PTPRS: variants seen among roughly 807,000 people sequenced by gnomAD.
PTPRS encodes the protein protein tyrosine phosphatase receptor type S.
In PTPRS, 63 loss-of-function variants were observed where a neutral mutation model predicts 215.3. The ratio of observed to expected loss-of-function variants is 0.29; its 90% CI spans 0.24 to 0.36. The LOEUF (loss-of-function observed/expected upper bound fraction) is 0.36. PTPRS is among the 10% of genes least tolerant of loss of function. The probability of loss-of-function intolerance (pLI) is 1.00; values close to 1 mark genes in which losing one functional copy is unlikely to be tolerated. For synonymous variants in PTPRS, 1,404 were observed against 1,191.4 expected (o/e 1.18, Z -3.68); for missense variants, 2,258 against 2,825.8 (o/e 0.80, Z 4.56).
chr19:5,273,762 C>T (rs1010135499), intron 3 of PTPRS, among the ~76,000 whole-genome samples, 179 bp from the exon 4 acceptor site: 7 of 152,070 alleles, frequency 4.6e-5, no homozygotes, highest in Non-Finnish European at 5.9e-5. Context: ...ATAAATGCGC[C>T]GCAGACAGGG....
At chr19:5,278,920 G>A (rs920073706) in intron 2 of PTPRS, among the ~76,000 whole-genome samples, 40 of 151,998 alleles carry the variant, frequency 2.6e-4, no homozygotes, top group African/African-American at 8.2e-4. Context: ...GTTGGGCATG[G>A]TGGCTCATAC....
chr19:5,262,091 A>G (rs947884174), intron 6 of PTPRS, among the ~76,000 whole-genome samples: 5 of 152,132 alleles, frequency 3.3e-5, no homozygotes, highest in Non-Finnish European at 7.4e-5. Context: ...CCTGGCCAAC[A>G]TGGTGAAACC....
chr19:5,221,996 C>G (rs538520015), intron 19 of PTPRS, 127 bp downstream of exon 19: 2 of 741,558 alleles, frequency 2.7e-6, no homozygotes, highest in East Asian at 2.5e-5. Flanking sequence ...TCAATCCTAG[C>G]TGAGACCCAT....
intron 35 of PTPRS, among the ~76,000 whole-genome samples, chr19:5,209,445 A>T (rs1205128761): frequency 2.0e-5 from 3 of 151,936 alleles, no homozygotes; most frequent in Non-Finnish European, 4.4e-5. Flanking sequence ...GTGCCATCCA[A>T]AATTGTTATC....
chr19:5,323,319 C>CT (rs1490215973), intron 1 of PTPRS, among the ~76,000 whole-genome samples: 1 of 152,170 alleles, frequency 6.6e-6, no homozygotes, highest in South Asian at 2.1e-4. Flanking sequence ...GATCACACCA[C>CT]TGCACTCCCG....
At chr19:5,335,251 T>C (rs1426265260) in intron 1 of PTPRS, among the ~76,000 whole-genome samples, 1 of 152,190 alleles carries the variant, frequency 6.6e-6, no homozygotes, top group African/African-American at 2.4e-5. Flanking sequence ...TGCGGACGCG[T>C]TGAGAGCCAG....
chr19:5,213,729 G>A (rs1295289565), intron 30 of PTPRS, among the ~76,000 whole-genome samples: 2 of 152,198 alleles, frequency 1.3e-5, no homozygotes, highest in African/African-American at 2.4e-5. Flanking sequence ...TGGCACTTAG[G>A]TCAAGCAGGT....
Position 5,273,492 on chromosome 19 carries a change from TG to T in PTPRS, c.328del (p.Gln110ArgfsTer34). 2 of 1,614,208 alleles carry T rather than the reference TG, an allele frequency of 1.2e-6. No homozygotes were observed. The highest frequency in any genetic ancestry group is 1.7e-6 in the Non-Finnish European group (2 of 1,180,042). ...RDENVYECVAQNSVGEITVHA... is the reference protein window; with the variant it reads ...RDENVYECVAXNSVGEITVHA... ...GACTGTGATCTCCCCAACCGAGTTC[TG>T]GGCCACACACTCGTACACGTTTTCA... On this transcript the variant is annotated frameshift_variant, in exon 4 of 38. Transcript: ENST00000262963. LOFTEE classifies it high-confidence loss of function.
At chr19:5,224,847 C>T (rs943315590) in intron 17 of PTPRS, among the ~76,000 whole-genome samples, 1 of 152,098 alleles carries the variant, frequency 6.6e-6, no homozygotes, top group African/African-American at 2.4e-5. Flanking sequence ...AGGGCAGGGG[C>T]TGTGTCCAGC....
intron 28 of PTPRS, among the ~76,000 whole-genome samples, 190 bp from the exon 29 acceptor site, chr19:5,214,926 C>T (rs116272013): frequency 0.017 from 2,629 of 152,360 alleles, 76 homozygotes; most frequent in African/African-American, 0.06. Context: ...CCCTCTGTGG[C>T]GGGGCCATTC....
chr19:5,252,598 G>C (rs1260367065), intron 9 of PTPRS, among the ~76,000 whole-genome samples: 2 of 124,312 alleles, frequency 1.6e-5, no homozygotes, highest in African/African-American at 6.1e-5. Flanking sequence ...AAAAAAAAAA[G>C]GCCGAGTGTG....
chr19:5,294,898 G>A lies in PTPRS; in HGVS notation c.-94-8664C>T, dbSNP rs540129837. On this transcript the variant is annotated intron_variant, in intron 1 of 37. Coordinates refer to ENST00000262963, the MANE Select transcript of PTPRS (RefSeq NM_002850.4). This position sits in a 1 kb window ranked among gnomAD's most constrained non-coding sequence, Gnocchi z 5.1. ...GATGCCGTGACGTCCCCCGTCCCAC[G>A]CAGCCCCATCCTCGACGAGGTACAC... Among the ~76,000 whole-genome samples, 12 of 152,274 alleles carry A rather than the reference G, an allele frequency of 7.9e-5. No homozygotes were observed. The highest frequency in any genetic ancestry group is 1.3e-4 in the Admixed American group (2 of 15,296).
At chr19:5,292,224 G>A (rs888666960) in intron 1 of PTPRS, among the ~76,000 whole-genome samples, 5 of 152,156 alleles carry the variant, frequency 3.3e-5, no homozygotes, top group African/African-American at 4.8e-5. Context: ...AGCTCCACCT[G>A]GCACTTTATC....
rs752263180 is a variant in PTPRS, at chr19:5,210,715, G to T, written c.5325C>A (p.Ile1775=). 1.2e-6 allele frequency: 2 copies of T among 1,614,172 alleles called. No individual in the cohort carries two copies. Among genetic ancestry groups the T allele is most frequent in the Admixed American group, 1.7e-5 (1 of 60,022 alleles). Residue 1775 remains isoleucine, a synonymous_variant, in exon 34 of 38, where the codon ATC becomes ATA. Transcript: ENST00000262963. This position sits in a 1 kb window ranked among gnomAD's most constrained non-coding sequence, Gnocchi z 4.5. ...WRMLWENNST[I]VVMLTKLREM... ...CCCGCAGCTTGGTCAGCATCACCAC[G>T]ATCGTCGAATTGTTCTCCCACAGCA...
At chr19:5,249,176 C>T (rs1332060670) in intron 9 of PTPRS, among the ~76,000 whole-genome samples, 9 of 152,030 alleles carry the variant, frequency 5.9e-5, no homozygotes, top group Admixed American at 5.2e-4. Context: ...CCAGGCGTGG[C>T]GGCGGGCGCC....
rs1205852773 is a variant in PTPRS, at chr19:5,223,292, C to T, written c.2500G>A (p.Gly834Ser). The T allele has an allele frequency of 6.8e-7, 1 of 1,460,972 alleles. No homozygotes were observed. The highest frequency in any genetic ancestry group is 1.4e-5 in the South Asian group (1 of 69,392). 90.5% of individuals were successfully genotyped at this position (1,460,972 alleles called of 1,614,324 possible). Residue 834 changes from glycine to serine, a missense_variant, in exon 18 of 38, where the codon GGC (glycine) becomes AGC (serine). Transcript: ENST00000262963. ...TGCTGCACCGACAGGGTTGGGCGGC[C>T]CAGCACTGCGGGGATACGGGGCAGG... ...KVVVTKGAVLGRPTLSVQQTP... is the reference protein window; with the variant it reads ...KVVVTKGAVLSRPTLSVQQTP...
chr19:5,288,182 G>T (rs961395122), intron 1 of PTPRS, among the ~76,000 whole-genome samples: 5 of 152,220 alleles, frequency 3.3e-5, no homozygotes, highest in Non-Finnish European at 5.9e-5. Context: ...TTAGATCAGA[G>T]ATACCTACAG....
intron 1 of PTPRS, among the ~76,000 whole-genome samples, chr19:5,310,803 T>C (rs1213759581): frequency 6.6e-6 from 1 of 152,154 alleles, no homozygotes; most frequent in Non-Finnish European, 1.5e-5. Context: ...ACTCCTCAGC[T>C]CAAGTGATCC....
At chr19:5,269,494 C>T (rs542304586) in intron 4 of PTPRS, among the ~76,000 whole-genome samples, 2 of 152,114 alleles carry the variant, frequency 1.3e-5, no homozygotes, top group Non-Finnish European at 2.9e-5. Context: ...AGGGACTGGC[C>T]GGAGGTGCCC....
Sources: allele counts gnomAD v4.1 joint callset (sites outside exome capture counted in the v4.1 genomes callset), GRCh38; gene constraint gnomAD v4.1.1; non-coding constraint Gnocchi (gnomAD v3.1); transcripts MANE v1.5; gene names NCBI Gene and HGNC (gene_info 2026-07-23, HGNC 2026-07-21).